Variants in XXYLT1 observed in about 807,000 individuals in gnomAD.
XXYLT1 encodes the protein UDP-xylose:alpha-xyloside alpha-1,3-xylosyltransferase.
A neutral mutation model predicts 28.9 loss-of-function variants in XXYLT1; 20 were observed. That is an observed-to-expected ratio of 0.69 (90% CI 0.49 to 1.00). The LOEUF (loss-of-function observed/expected upper bound fraction) is 1.00, where lower values mean the gene tolerates loss of function less well. Among genes scored for constraint, XXYLT1 ranks in the 50% least tolerant of loss-of-function variants. The pLI, the probability that XXYLT1 is intolerant of heterozygous loss-of-function variation, is 0.00. For synonymous variants in XXYLT1, 257 were observed against 253.8 expected (o/e 1.01, Z -0.12); for missense variants, 542 against 560.1 (o/e 0.97, Z 0.33).
At chr3:195,190,953 A>G (rs6437461) in intron 2 of XXYLT1, among the ~76,000 whole-genome samples, 3,924 of 152,294 alleles carry the variant, frequency 0.026, 191 homozygotes, top group African/African-American at 0.089. Context: ...CTTATTTAAC[A>G]CAAAAGAAGG....
In XXYLT1 at chr3:195,069,958, C is replaced by T. The variant is rs765187953; in HGVS notation, c.939G>A (p.Ala313=). ...SPLYSRLLEP[A]QVQQLADKYH... is the part of the protein sequence containing the mutation. ...ACTTGTCGGCCAGCTGCTGCACCTG[C>T]GCCGGCTCCAGCAGGCGGCTGTAGA... The change falls in exon 4 of 4, where the codon GCG becomes GCA. Residue 313 remains alanine (A), a synonymous_variant. Transcript: ENST00000310380. 7 of 1,612,118 alleles carry T rather than the reference C, an allele frequency of 4.3e-6. No homozygotes were observed. The highest frequency in any genetic ancestry group is 1.1e-5 in the South Asian group (1 of 91,060).
intron 3 of XXYLT1, among the ~76,000 whole-genome samples, chr3:195,130,243 G>A (rs1467196413): frequency 1.3e-5 from 2 of 152,226 alleles, no homozygotes; most frequent in Admixed American, 6.5e-5. Context: ...CCAACAGGTA[G>A]GAGCTGCCCA....
chr3:195,184,945 C>T, intron 2 of XXYLT1: 1 of 557,988 alleles, frequency 1.8e-6, no homozygotes, highest in Non-Finnish European at 2.3e-6. Flanking sequence ...GGCATTTATA[C>T]AGCTCATTTT....
At chr3:195,160,231 A>T (rs1310253241) in intron 2 of XXYLT1, among the ~76,000 whole-genome samples, 1 of 152,224 alleles carries the variant, frequency 6.6e-6, no homozygotes, top group Non-Finnish European at 1.5e-5. Flanking sequence ...TGCAAAGAAA[A>T]GACATGCTCA....
intron 3 of XXYLT1, among the ~76,000 whole-genome samples, chr3:195,075,120 C>T (rs553236536): frequency 1.9e-4 from 29 of 152,268 alleles, no homozygotes; most frequent in East Asian, 1.5e-3. Context: ...GGCATGGTGG[C>T]GTGCGCCTGT....
chr3:195,247,741 T>C, intron 1 of XXYLT1: 1 of 698,928 alleles, frequency 1.4e-6, no homozygotes, highest in Non-Finnish European at 2.6e-6. Flanking sequence ...GACTTGGTGA[T>C]TTATAAGGAA....
At chr3:195,161,290 C>T (rs1720857484) in intron 2 of XXYLT1, among the ~76,000 whole-genome samples, 2 of 152,204 alleles carry the variant, frequency 1.3e-5, no homozygotes, top group South Asian at 2.1e-4. Context: ...ATTACAGATT[C>T]GCCTCGCTCG....
intron 1 of XXYLT1, among the ~76,000 whole-genome samples, chr3:195,258,296 T>C (rs890460999): frequency 1.3e-5 from 2 of 152,196 alleles, no homozygotes; most frequent in African/African-American, 4.8e-5. Context: ...TGTGGGGCTA[T>C]GTGGATCCAT....
chr3:195,095,938 G>C (rs1716414367), intron 3 of XXYLT1: 1 of 152,216 alleles, frequency 6.6e-6, no homozygotes, highest in Non-Finnish European at 1.5e-5. Flanking sequence ...AACTCAAGCA[G>C]CTTCAGAGAA....
At position 195,134,816 on chromosome 3, in the gene XXYLT1, C is replaced by T. The variant is rs539273112; in HGVS notation, c.785+21633G>A. ...TATTTCCCACTGGCTGGCATCATGG[C>T]GTGAAGAGGGGTGTGTGTGTGTGTG... On this transcript the variant is annotated intron_variant, in intron 3 of 3. Coordinates refer to ENST00000310380, the MANE Select transcript of XXYLT1 (RefSeq NM_152531.5). Among the ~76,000 whole-genome samples, 4 of 147,874 alleles carry T rather than the reference C, an allele frequency of 2.7e-5. No individual in the cohort carries two copies. In the East Asian group the frequency reaches 6.0e-4, roughly 22 times the overall value.
intron 2 of XXYLT1, among the ~76,000 whole-genome samples, chr3:195,169,146 T>C (rs534680771): frequency 6.6e-6 from 1 of 151,170 alleles, no homozygotes; most frequent in South Asian, 2.1e-4. Context: ...TGGCCGACCA[T>C]GATGGCTACA....
intron 2 of XXYLT1, among the ~76,000 whole-genome samples, chr3:195,215,854 A>T (rs891419669): frequency 6.6e-6 from 1 of 152,210 alleles, no homozygotes; most frequent in Non-Finnish European, 1.5e-5. Flanking sequence ...TCCACCCCAA[A>T]TCAACAGAAT....
intron 3 of XXYLT1, among the ~76,000 whole-genome samples, chr3:195,092,448 A>C (rs1290673920): frequency 6.8e-6 from 1 of 146,962 alleles, no homozygotes; most frequent in Non-Finnish European, 1.5e-5. Context: ...CTATTTAATA[A>C]ATGGTGCTGG....
chr3:195,186,118 G>A (rs151337943), intron 2 of XXYLT1, among the ~76,000 whole-genome samples: 6 of 152,224 alleles, frequency 3.9e-5, no homozygotes, highest in Non-Finnish European at 7.4e-5. Flanking sequence ...ACTTTTGAAA[G>A]CCACCACAGA....
intron 2 of XXYLT1, chr3:195,184,643 A>C: frequency 1.0e-6 from 1 of 985,396 alleles, no homozygotes; most frequent in Non-Finnish European, 1.2e-6. Context: ...CCCAGAAACA[A>C]GGTCTCTTCA....
Position 195,154,637 on chromosome 3 carries a change from G to A in XXYLT1, c.785+1812C>T, listed in dbSNP as rs182803022. 3.7e-3 allele frequency among the ~76,000 whole-genome samples: 561 copies of A among 152,238 alleles called. 5 individuals carry two copies. Among genetic ancestry groups the A allele is most frequent in the African/African-American group, 0.013 (545 of 41,524 alleles). ...TGCAGGCCACCCTCAGGGAAGAACC[G>A]GGGGAGGAGTAACGCAAACCCCAGA... On this transcript the variant is annotated intron_variant, in intron 3 of 3. Coordinates refer to ENST00000310380, the MANE Select transcript of XXYLT1 (RefSeq NM_152531.5).
At chr3:195,089,097 ACT>A (rs1303929636) in intron 3 of XXYLT1, among the ~76,000 whole-genome samples, 3 of 150,652 alleles carry the variant, frequency 2.0e-5, no homozygotes, top group African/African-American at 7.3e-5. Context: ...GTTGGAAAAC[ACT>A]CTGCAGGATA....
At chr3:195,207,930 G>A (rs1723143362) in intron 2 of XXYLT1, among the ~76,000 whole-genome samples, 1 of 152,124 alleles carries the variant, frequency 6.6e-6, no homozygotes, top group South Asian at 2.1e-4. Context: ...TCATATCATG[G>A]CAGCTGAATT....
chr3:195,259,667 A>G (rs1190598768), intron 1 of XXYLT1: 1 of 984,840 alleles, frequency 1.0e-6, no homozygotes, highest in African/African-American at 1.8e-5. Flanking sequence ...GCAATTAAGG[A>G]CGCCGGGCTC....
Sources: allele counts gnomAD v4.1 joint callset (sites outside exome capture counted in the v4.1 genomes callset), GRCh38; gene constraint gnomAD v4.1.1; transcripts MANE v1.5; gene names NCBI Gene and HGNC (gene_info 2026-07-23, HGNC 2026-07-21).